MCM10: variants seen among roughly 807,000 people sequenced by gnomAD.
The protein encoded by MCM10 is protein MCM10 homolog.
In MCM10, 91 loss-of-function variants were observed where a neutral mutation model predicts 109.9. The observed-to-expected ratio is 0.83, with a 90% confidence interval of 0.70 to 0.99. The LOEUF is 0.99. Ranked by LOEUF, MCM10 falls within the 50% of genes least tolerant of loss-of-function variation. The pLI, the probability that MCM10 is intolerant of heterozygous loss-of-function variation, is 0.00. For missense variants in MCM10, 1,077 were observed against 1,061.2 expected (o/e 1.01, Z -0.21); for synonymous variants, 380 against 387.2 (o/e 0.98, Z 0.22).
chr10:13,191,143 T>C (rs764747336), intron 10 of MCM10, among the ~76,000 whole-genome samples, 156 bp from the exon 11 acceptor site: 1 of 152,200 alleles, frequency 6.6e-6, no homozygotes, highest in Non-Finnish European at 1.5e-5. Flanking sequence ...AAACCAGTTA[T>C]GCTATTGGGC....
rs527353558 is a variant in MCM10, at chr10:13,182,566, TG to T, written c.931-365del. ...TGATTCATATCAGTAAGTTATTAAA[TG>T]GTACTGTCATACCTTCCACTGTCCT... On this transcript the variant is annotated intron_variant, in intron 7 of 19. Transcript: ENST00000378714. The surrounding 1 kb of genome is among the most constrained non-coding windows in gnomAD (Gnocchi z 4.2). Among the ~76,000 whole-genome samples the T allele has an allele frequency of 4.0e-3, 603 of 152,330 alleles. 6 individuals are homozygous for T. The highest frequency in any genetic ancestry group is 0.023 in the South Asian group (112 of 4,822).
chr10:13,191,258 G>A (rs768168773), intron 10 of MCM10, 41 bp from the exon 11 acceptor site: 2 of 1,348,314 alleles, frequency 1.5e-6, no homozygotes, highest in East Asian at 2.3e-5. Flanking sequence ...GAGCATTGAG[G>A]CTTTAGTGAT....
chr10:13,175,589 G>A lies in MCM10; in HGVS notation c.672G>A (p.Gly224=), dbSNP rs1195897553. The change falls in exon 6 of 20, where the codon GGG becomes GGA. Residue 224 remains glycine (G), a synonymous_variant. Coordinates refer to ENST00000378714, the MANE Select transcript of MCM10 (RefSeq NM_018518.5). ...CGATTTCTCGGAACAAACCTAGTGG[G>A]ATAACTAGAGGTCAAATTGTGGGGA... ...LQTISRNKPS[G]ITRGQIVGTP... is the part of the protein sequence containing the mutation. 10 of 1,612,618 alleles carry A rather than the reference G, an allele frequency of 6.2e-6. No homozygotes were observed. Among genetic ancestry groups the A allele is most frequent in the Non-Finnish European group, 8.5e-6 (10 of 1,179,130 alleles).
intron 5 of MCM10, among the ~76,000 whole-genome samples, chr10:13,173,988 C>A (rs1213006012): frequency 6.6e-6 from 1 of 151,934 alleles, no homozygotes; most frequent in Admixed American, 6.6e-5. Flanking sequence ...TCAAACACTT[C>A]TAAAATATGA....
In MCM10 at chr10:13,175,494, T is replaced by G; in HGVS notation, c.593-16T>G. ...TCAGTGTGGTTGCCTTTTCATTAAT[T>G]GTGTTAATTTTCTAGATCCCAAAAG... On this transcript the variant is annotated splice_polypyrimidine_tract_variant and intron_variant, in intron 5 of 19. Coordinates refer to ENST00000378714, the MANE Select transcript of MCM10 (RefSeq NM_018518.5). 6.2e-7 allele frequency: 1 copy of G among 1,611,502 alleles called. No individual in the cohort carries two copies. The highest frequency in any genetic ancestry group is 8.5e-7 in the Non-Finnish European group (1 of 1,177,916).
chr10:13,200,580 C>T (rs541825425), intron 16 of MCM10, among the ~76,000 whole-genome samples: 1 of 152,322 alleles, frequency 6.6e-6, no homozygotes, highest in African/African-American at 2.4e-5. Flanking sequence ...GAGCTGAGCT[C>T]CTCGCCTCTG....
chr10:13,172,741 C>T lies in MCM10; in HGVS notation c.568C>T (p.Arg190Ter), dbSNP rs1341502187. ...GCTACCAAGAACCAAGAGGGTGGCT[C>T]GAACACCAAAGGCTTCACCTCCAGG... is the stretch of plus-strand genomic sequence containing the variant. ...PALPRTKRVA[R>*]TPKASPPDPK... is the part of the protein sequence containing the mutation. The change falls in exon 5 of 20, where the codon CGA becomes TGA. Residue 190 changes from arginine to a stop codon, truncating the protein, a stop_gained. Transcript: ENST00000378714. LOFTEE classifies it high-confidence loss of function. The surrounding 1 kb of genome is among the most constrained non-coding windows in gnomAD (Gnocchi z 5.2). 11 of 1,614,072 alleles carry T rather than the reference C, an allele frequency of 6.8e-6. No individual in the cohort carries two copies. Among genetic ancestry groups the T allele is most frequent in the East Asian group, 2.2e-5 (1 of 44,880 alleles).
chr10:13,180,414 A>G (rs1411809451), intron 6 of MCM10, 28 bp from the exon 7 acceptor site: 15 of 1,593,294 alleles, frequency 9.4e-6, no homozygotes, highest in Non-Finnish European at 1.2e-5. Context: ...TAGAATCATA[A>G]TTACTAATCG....
At chr10:13,162,945 G>T (rs1387224032) in intron 1 of MCM10, among the ~76,000 whole-genome samples, 1 of 152,080 alleles carries the variant, frequency 6.6e-6, no homozygotes, top group East Asian at 1.9e-4. Flanking sequence ...CGGGCGTGGT[G>T]GCGGGCGCCT....
rs751453016 is a variant in MCM10, at chr10:13,209,272, G to A, written c.2587G>A (p.Gly863Arg). 6.2e-7 allele frequency: 1 copy of A among 1,614,090 alleles called. No homozygotes were observed. The highest frequency in any genetic ancestry group is 8.5e-7 in the Non-Finnish European group (1 of 1,179,974). The change falls in exon 20 of 20, where the codon GGA becomes AGA. Residue 863 changes from glycine (G) to arginine (R), a missense_variant. Transcript: ENST00000378714. ...KIGGETLLPR[G>R]EEHAKFLNSL... is the part of the protein sequence containing the mutation. ...AGGAGGAGAAACTCTGTTACCAAGA[G>A]GAGAAGAACATGCTAAATTTCTGAA...
rs964939200 is a variant in MCM10 at position 13,172,965 on chromosome 10, G to A, written c.592+200G>A. On this transcript the variant is annotated intron_variant, in intron 5 of 19. Coordinates refer to ENST00000378714, the MANE Select transcript of MCM10 (RefSeq NM_018518.5). This position sits in a 1 kb window ranked among gnomAD's most constrained non-coding sequence, Gnocchi z 5.2. Reference sequence around the variant, plus strand: ...TCAAAGTGCCTAGAAAATCCTTAGGGCCAAGGCACGCGGCAGGAAGATTGC... The same window carrying A: ...TCAAAGTGCCTAGAAAATCCTTAGGACCAAGGCACGCGGCAGGAAGATTGC... Among the ~76,000 whole-genome samples the A allele has an allele frequency of 6.6e-6, 1 of 152,128 alleles. No homozygotes were observed. The highest frequency in any genetic ancestry group is 1.5e-5 in the Non-Finnish European group (1 of 68,036).
intron 8 of MCM10, among the ~76,000 whole-genome samples, chr10:13,185,735 C>T (rs2131573991): frequency 6.6e-6 from 1 of 152,260 alleles, no homozygotes; most frequent in East Asian, 1.9e-4. Flanking sequence ...GGTTATAGAG[C>T]CCTGGCTTCA....
chr10:13,191,176 T>G (rs191834974), intron 10 of MCM10, 123 bp from the exon 11 acceptor site: 191 of 662,022 alleles, frequency 2.9e-4, no homozygotes, highest in Non-Finnish European at 3.0e-4. Context: ...AAAGCCTACT[T>G]AGATGGTGTT....
rs1192353833 is a variant in MCM10 at position 13,164,227 on chromosome 10, T to C, written c.7+18T>C. The C allele has an allele frequency of 3.8e-6, 6 of 1,594,196 alleles. No individual in the cohort carries two copies. The highest frequency in any genetic ancestry group is 5.1e-6 in the Non-Finnish European group (6 of 1,174,360). On this transcript the variant is annotated intron_variant, in intron 2 of 19. Transcript: ENST00000378714. ...CATGGATGGTAAGACCTGGCAGTTT[T>C]CTGTTACTCTGTTTCAAGGAAAACT...
chr10:13,198,608 T>G (rs1588477895), intron 15 of MCM10, 81 bp from the exon 16 acceptor site: 1 of 843,980 alleles, frequency 1.2e-6, no homozygotes, highest in Non-Finnish European at 2.0e-6. Flanking sequence ...GAGGAGGGAG[T>G]GGGAGGGAGT....
At chr10:13,197,861 T>A in intron 15 of MCM10, 94 bp downstream of exon 15, 1 of 1,284,418 alleles carries the variant, frequency 7.8e-7, no homozygotes, top group Non-Finnish European at 1.1e-6. Flanking sequence ...ATCAAGCAAT[T>A]ACTTCCATTT....
chr10:13,178,551 C>T (rs1834170497), intron 6 of MCM10, among the ~76,000 whole-genome samples: 1 of 152,144 alleles, frequency 6.6e-6, no homozygotes, highest in Non-Finnish European at 1.5e-5. Context: ...GAGTTCATTG[C>T]AGATTTATGG....
chr10:13,193,013 G>C (rs1834369510), intron 13 of MCM10, among the ~76,000 whole-genome samples: 1 of 152,014 alleles, frequency 6.6e-6, no homozygotes, highest in South Asian at 2.1e-4. Context: ...GGCCTCCCAA[G>C]TAGTTGGGAC....
chr10:13,201,684 G>T, intron 17 of MCM10, 150 bp downstream of exon 17: 1 of 622,460 alleles, frequency 1.6e-6, no homozygotes, highest in Non-Finnish European at 2.8e-6. Context: ...GGTGGCCCAG[G>T]ACCCGGCTTC....
Sources: gnomAD v4.1 joint callset for allele counts (sites outside exome capture counted in the v4.1 genomes callset) on GRCh38, gnomAD v4.1.1 for gene constraint, Gnocchi (gnomAD v3.1) non-coding constraint, MANE v1.5 for transcripts, NCBI Gene and HGNC (gene_info 2026-07-23, HGNC 2026-07-21) for gene names.